The following PRUNE2 variants were observed in gnomAD, a reference collection of about 807,000 sequenced individuals.
The protein encoded by PRUNE2 is protein prune homolog 2.
PRUNE2 carries 164 observed loss-of-function variants against 252.0 expected under a neutral mutation model. That is an observed-to-expected ratio of 0.65 (90% CI 0.57 to 0.74). PRUNE2 has a LOEUF of 0.74. Among genes scored for constraint, PRUNE2 ranks in the 30% least tolerant of loss-of-function variants. The pLI, the probability that PRUNE2 is intolerant of heterozygous loss-of-function variation, is 0.00. For synonymous variants in PRUNE2, 1,292 were observed against 1,350.2 expected (o/e 0.96, Z 0.94); for missense variants, 3,495 against 3,711.0 (o/e 0.94, Z 1.51).
chr9:76,614,642 A>G (rs769716003), intron 18 of PRUNE2, 42 bp from the exon 19 acceptor site: 2 of 1,487,832 alleles, frequency 1.3e-6, no homozygotes, highest in Non-Finnish European at 1.9e-6. Flanking sequence ...GAGAAACCAA[A>G]TGAGAGACAT....
Position 76,652,606 on chromosome 9 carries a change from G to A in PRUNE2, c.8434C>T (p.Leu2812=), listed in dbSNP as rs1364644011. 6.2e-7 allele frequency: 1 copy of A among 1,613,040 alleles called. No individual in the cohort carries two copies. The highest frequency in any genetic ancestry group is 8.5e-7 in the Non-Finnish European group (1 of 1,179,104). ...AGAATAGATCCTTCACTTTGGTCCA[G>A]AGAAAGATTGATATTTGGGGCTGTG... ...KLTAPNINLS[L]DQSEGSILSD... is the part of the protein sequence containing the mutation. The change falls in exon 11 of 19, where the codon CTG becomes TTG. Residue 2812 remains leucine, a synonymous_variant. Coordinates refer to ENST00000376718, the MANE Select transcript of PRUNE2 (RefSeq NM_015225.3).
chr9:76,640,114 TAA>T (rs771172825), intron 12 of PRUNE2, among the ~76,000 whole-genome samples: 1 of 152,210 alleles, frequency 6.6e-6, no homozygotes, highest in Non-Finnish European at 1.5e-5. Flanking sequence ...GTTGAATCAT[TAA>T]AGAGATTTTC....
chr9:76,720,542 C>T (rs866473618), intron 6 of PRUNE2, among the ~76,000 whole-genome samples: 23 of 152,314 alleles, frequency 1.5e-4, no homozygotes, highest in Middle Eastern at 6.8e-3. Flanking sequence ...ATATAAAAGA[C>T]TGGTCAAGTG....
chr9:76,730,036 AT>A (rs1317029848), intron 6 of PRUNE2, among the ~76,000 whole-genome samples: 3 of 152,238 alleles, frequency 2.0e-5, no homozygotes, highest in Admixed American at 2.0e-4. Context: ...AATCTTAGAA[AT>A]AACTACCTTA....
intron 9 of PRUNE2, among the ~76,000 whole-genome samples, chr9:76,660,307 C>T (rs1050208198): frequency 1.3e-5 from 2 of 152,170 alleles, no homozygotes; most frequent in African/African-American, 4.8e-5. Context: ...GAAAAAAACT[C>T]TCTCCTCTGG....
intron 14 of PRUNE2, among the ~76,000 whole-genome samples, chr9:76,636,891 G>A (rs1840301275): frequency 6.6e-6 from 1 of 152,074 alleles, no homozygotes; most frequent in African/African-American, 2.4e-5. Flanking sequence ...AGGAGGCGGA[G>A]GTTGCCGTGA....
Position 76,682,313 on chromosome 9 carries a change from T to C in PRUNE2, c.8276+21024A>G, listed in dbSNP as rs1351422710. Among the ~76,000 whole-genome samples the C allele has an allele frequency of 2.7e-5, 4 of 150,632 alleles. No individual in the cohort carries two copies. In the East Asian group the frequency reaches 7.7e-4, roughly 29 times the overall value. On this transcript the variant is annotated intron_variant, in intron 9 of 18. Coordinates refer to ENST00000376718, the MANE Select transcript of PRUNE2 (RefSeq NM_015225.3). ...ATAGAATTATATATGATAGAAAATATAAAGGAAAAATATTCCTAAATTTTG... is the reference window on the plus strand; with the variant it reads ...ATAGAATTATATATGATAGAAAATACAAAGGAAAAATATTCCTAAATTTTG...
At chr9:76,860,346 C>T (rs1046819487) in intron 1 of PRUNE2, among the ~76,000 whole-genome samples, 6 of 152,162 alleles carry the variant, frequency 3.9e-5, no homozygotes, top group Non-Finnish European at 7.3e-5. Context: ...AAGCCCTTCC[C>T]GTAACTCTAA....
intron 6 of PRUNE2, chr9:76,733,488 A>G (rs1428111677): frequency 6.6e-6 from 1 of 152,170 alleles, no homozygotes; most frequent in African/African-American, 2.4e-5. Flanking sequence ...AGCTCACTGC[A>G]GCCTTGACCC....
Position 76,619,329 on chromosome 9 carries a change from T to C in PRUNE2, c.9236+11A>G, listed in dbSNP as rs1831102798. On this transcript the variant is annotated intron_variant, in intron 18 of 18. Transcript: ENST00000376718. ...GTAACCACATAGCTGTTATTGATGGTGAATTCTTACTCCTTCTCCATAGAA... is the reference window on the plus strand; with the variant it reads ...GTAACCACATAGCTGTTATTGATGGCGAATTCTTACTCCTTCTCCATAGAA... 6.4e-7 allele frequency: 1 copy of C among 1,574,540 alleles called. No individual in the cohort carries two copies. Among genetic ancestry groups the C allele is most frequent in the East Asian group, 2.2e-5 (1 of 44,510 alleles).
intron 6 of PRUNE2, chr9:76,788,555 C>T (rs2055249226): frequency 4.2e-6 from 3 of 716,504 alleles, no homozygotes; most frequent in Non-Finnish European, 7.8e-6. Context: ...GGGGTGTTGA[C>T]AACAATGACA....
chr9:76,850,424 T>A (rs377607290), intron 3 of PRUNE2, 39 bp downstream of exon 3: 1 of 1,515,808 alleles, frequency 6.6e-7, no homozygotes, highest in East Asian at 2.3e-5. Context: ...AGAACCTTCA[T>A]TGAGGGATTA....
intron 6 of PRUNE2, chr9:76,739,815 GT>G (rs2049421531): frequency 6.6e-6 from 1 of 152,190 alleles, no homozygotes; most frequent in Non-Finnish European, 1.5e-5. Flanking sequence ...ACCAGGCGCG[GT>G]GGCTCATGCC....
intron 1 of PRUNE2, among the ~76,000 whole-genome samples, chr9:76,894,415 A>C (rs1417846474): frequency 6.6e-6 from 1 of 152,194 alleles, no homozygotes; most frequent in African/African-American, 2.4e-5. Context: ...GCCTCCTTGG[A>C]GAGAGGACCA....
At chr9:76,879,903 ATTTTT>A (rs71354691) in intron 1 of PRUNE2, among the ~76,000 whole-genome samples, 63 of 30,934 alleles carry the variant, frequency 2.0e-3, no homozygotes, top group African/African-American at 8.0e-3. Flanking sequence ...ATATATATAT[ATTTTT>A]TTTTTTTTTT....
At chr9:76,765,379 C>T (rs1170752485) in intron 6 of PRUNE2, among the ~76,000 whole-genome samples, 1 of 152,090 alleles carries the variant, frequency 6.6e-6, no homozygotes, top group Admixed American at 6.5e-5. Flanking sequence ...GGTAAATAGT[C>T]CTTATATTTG....
Position 76,707,047 on chromosome 9 carries a change from T to C in PRUNE2, c.5227A>G (p.Ser1743Gly), listed in dbSNP as rs181775498. Residue 1743 changes from serine (S) to glycine (G), a missense_variant, in exon 8 of 19, where the codon AGC becomes GGC. By Grantham distance (56) the Ser-to-Gly change is moderately conservative. Transcript: ENST00000376718. Reference sequence around the variant, plus strand: ...TTCTCATTCTCTGCTGGCTCTGAGCTGTCTAGGTAGTCATAAATATTTTCA... The same window carrying C: ...TTCTCATTCTCTGCTGGCTCTGAGCCGTCTAGGTAGTCATAAATATTTTCA... ...KSENIYDYLD[S>G]SEPAENENKS... The C allele has an allele frequency of 1.6e-5, 26 of 1,614,012 alleles. No individual in the cohort carries two copies. The African/African-American group carries it at 2.8e-4, about 17-fold the overall frequency.
chr9:76,625,809 C>A (rs578144078), intron 16 of PRUNE2, among the ~76,000 whole-genome samples: 187 of 152,218 alleles, frequency 1.2e-3, no homozygotes, highest in Non-Finnish European at 2.2e-3. Flanking sequence ...TTTTCACAAC[C>A]TTTTTAGTGC....
intron 1 of PRUNE2, among the ~76,000 whole-genome samples, chr9:76,890,151 C>T (rs571715351): frequency 6.6e-5 from 10 of 152,342 alleles, no homozygotes; most frequent in Admixed American, 5.2e-4. Flanking sequence ...GAGCAAGTTA[C>T]TTGACCTCTT....
Sources: gnomAD v4.1 joint callset for allele counts (sites outside exome capture counted in the v4.1 genomes callset) on GRCh38, gnomAD v4.1.1 for gene constraint, MANE v1.5 for transcripts, NCBI Gene and HGNC (gene_info 2026-07-23, HGNC 2026-07-21) for gene names.